MAPRE2: variants seen among roughly 807,000 people sequenced by gnomAD.
The protein encoded by MAPRE2 is microtubule associated protein RP/EB family member 2.
In MAPRE2, 13 loss-of-function variants were observed where a neutral mutation model predicts 43.2. The observed-to-expected ratio is 0.30, with a 90% CI of 0.20 to 0.48. The LOEUF is 0.48. MAPRE2 is among the 20% of genes least tolerant of loss of function. The pLI is 0.99. For synonymous variants in MAPRE2, 135 were observed against 148.8 expected (o/e 0.91, Z 0.68); for missense variants, 161 against 400.2 (o/e 0.40, Z 5.10).
chr18:35,063,706 A>G (rs1445661016), intron 1 of MAPRE2, among the ~76,000 whole-genome samples: 4 of 151,950 alleles, frequency 2.6e-5, no homozygotes, highest in African/African-American at 4.8e-5. Flanking sequence ...AAAAACAAAA[A>G]AGTCAGGCTG....
chr18:35,036,903 G>T (rs888474531), upstream of MAPRE2, among the ~76,000 whole-genome samples: 1 of 152,270 alleles, frequency 6.6e-6, no homozygotes, highest in East Asian at 1.9e-4. Flanking sequence ...TTGCTCTAAG[G>T]GGTCTCACAT....
chr18:35,091,296 A>G (rs1428391372), intron 2 of MAPRE2, among the ~76,000 whole-genome samples: 1 of 152,252 alleles, frequency 6.6e-6, no homozygotes, highest in African/African-American at 2.4e-5. Context: ...AAAATACTGT[A>G]TAAAATTACC....
intron 5 of MAPRE2, 36 bp from the exon 6 acceptor site, chr18:35,131,996 G>C: frequency 1.2e-6 from 2 of 1,601,094 alleles, no homozygotes; most frequent in Non-Finnish European, 1.7e-6. Flanking sequence ...ACTATATTTT[G>C]GGTGGTTTTT....
chr18:35,127,268 G>A, intron 5 of MAPRE2, 181 bp downstream of exon 5: 1 of 609,472 alleles, frequency 1.6e-6, no homozygotes. Context: ...TGAATAAAAA[G>A]TGTTAGTCAC....
At chr18:35,117,321 C>T (rs548565637) in intron 4 of MAPRE2, among the ~76,000 whole-genome samples, 3 of 152,250 alleles carry the variant, frequency 2.0e-5, no homozygotes, top group East Asian at 1.9e-4. Flanking sequence ...CTCTCTTAGC[C>T]GGAGAGTCTG....
At chr18:35,019,211 T>C (rs2097040417) in intron 2 of MAPRE2, among the ~76,000 whole-genome samples, 1 of 152,068 alleles carries the variant, frequency 6.6e-6, no homozygotes, top group Non-Finnish European at 1.5e-5. Context: ...ATGATTTTGA[T>C]TTTCTTTTAA....
chr18:35,049,863 A>G (rs1905846940), intron 1 of MAPRE2, among the ~76,000 whole-genome samples: 3 of 152,244 alleles, frequency 2.0e-5, no homozygotes, highest in African/African-American at 7.2e-5. Context: ...TCTTACGAAC[A>G]TAGCCTTGAG....
intron 1 of MAPRE2, among the ~76,000 whole-genome samples, chr18:35,044,326 G>C (rs1051487721): frequency 3.9e-5 from 6 of 152,334 alleles, no homozygotes; most frequent in Middle Eastern, 3.4e-3. Context: ...CGCCTCCCGG[G>C]TTCAAGAGAT....
chr18:35,097,332 T>A (rs1431839922), intron 2 of MAPRE2, 114 bp from the exon 3 acceptor site: 2 of 915,684 alleles, frequency 2.2e-6, no homozygotes, highest in Non-Finnish European at 3.4e-6. Context: ...AAGGACACAC[T>A]CTGCTCTGAG....
intron 1 of MAPRE2, among the ~76,000 whole-genome samples, chr18:34,983,794 T>C (rs1352077070): frequency 6.6e-6 from 1 of 152,148 alleles, no homozygotes; most frequent in Non-Finnish European, 1.5e-5. Context: ...CATATCCGGC[T>C]AATTTTTATG....
At chr18:35,111,610 A>G (rs1909178777) in intron 4 of MAPRE2, among the ~76,000 whole-genome samples, 1 of 152,220 alleles carries the variant, frequency 6.6e-6, no homozygotes, top group Non-Finnish European at 1.5e-5. Flanking sequence ...CAAGGGAAAA[A>G]TACTCAGGAA....
upstream of MAPRE2, among the ~76,000 whole-genome samples, chr18:35,040,377 AATATTTATTGAGCTC>A (rs749214266): frequency 1.3e-4 from 20 of 152,294 alleles, no homozygotes; most frequent in Middle Eastern, 3.4e-3. Context: ...CTTGATTTAT[AATATTTATTGAGCTC>A]ACATTACAGA....
intron 2 of MAPRE2, among the ~76,000 whole-genome samples, chr18:35,020,728 G>A (rs374838030): frequency 6.6e-6 from 1 of 152,020 alleles, no homozygotes; most frequent in Non-Finnish European, 1.5e-5. Context: ...TTCCTGGCTC[G>A]AGAACATTAC....
chr18:35,120,684 C>T (rs373494479), intron 4 of MAPRE2, among the ~76,000 whole-genome samples: 68 of 152,300 alleles, frequency 4.5e-4, no homozygotes, highest in African/African-American at 1.3e-3. Flanking sequence ...ATTCACTCTC[C>T]TCATCAGTCT....
At chr18:35,129,748 G>A (rs117237624) in intron 5 of MAPRE2, among the ~76,000 whole-genome samples, 1,729 of 152,322 alleles carry the variant, frequency 0.011, 26 homozygotes, top group Non-Finnish European at 0.018. Context: ...GCAGGAACCT[G>A]CAGTCTATGG....
chr18:35,139,221 G>A (rs1910518582), intron 6 of MAPRE2, among the ~76,000 whole-genome samples: 1 of 152,306 alleles, frequency 6.6e-6, no homozygotes, highest in African/African-American at 2.4e-5. Flanking sequence ...GAAGGGCTTG[G>A]GCAGTTCAGT....
chr18:35,106,136 G>A (rs1908893521), intron 4 of MAPRE2, among the ~76,000 whole-genome samples: 2 of 152,154 alleles, frequency 1.3e-5, no homozygotes, highest in African/African-American at 4.8e-5. Flanking sequence ...ATATCACAGT[G>A]TTGCCAGGTC....
chr18:34,985,023 T>A (rs1395287856), intron 1 of MAPRE2, among the ~76,000 whole-genome samples: 1 of 72,554 alleles, frequency 1.4e-5, no homozygotes, highest in African/African-American at 5.6e-5. Flanking sequence ...TGTTATATAA[T>A]ATATAAAATA....
At chr18:35,132,915 A>C (rs1910225314) in intron 6 of MAPRE2, among the ~76,000 whole-genome samples, 1 of 152,126 alleles carries the variant, frequency 6.6e-6, no homozygotes, top group African/African-American at 2.4e-5. Flanking sequence ...GCCAGGAGAG[A>C]GAGGCCCAGC....
Sources: allele counts gnomAD v4.1 joint callset (sites outside exome capture counted in the v4.1 genomes callset), GRCh38; gene constraint gnomAD v4.1.1; transcripts MANE v1.5; gene names NCBI Gene and HGNC (gene_info 2026-07-23, HGNC 2026-07-21).